The following RMST variants were observed in gnomAD, a reference collection of about 807,000 sequenced individuals.
RMST encodes the protein long intergenic non-protein coding RNA 54.
intron 5 of RMST, among the ~76,000 whole-genome samples, chr12:97,482,525 A>T (rs183683328): frequency 1.3e-5 from 2 of 151,754 alleles, no homozygotes; most frequent in Admixed American, 1.3e-4. Flanking sequence ...GTCACGAGTA[A>T]AATTGTTGGT....
intron 5 of RMST, among the ~76,000 whole-genome samples, chr12:97,490,441 C>T (rs1295295048): frequency 3.9e-5 from 6 of 152,206 alleles, no homozygotes; most frequent in Middle Eastern, 3.4e-3. Context: ...AATCCTGTTT[C>T]GTCATCTGTT....
intron 11 of RMST, among the ~76,000 whole-genome samples, chr12:97,556,843 A>C (rs1221821639): frequency 6.6e-6 from 1 of 152,216 alleles, no homozygotes; most frequent in Non-Finnish European, 1.5e-5. Flanking sequence ...TGACTTTATA[A>C]AAATGAGATT....
chr12:97,529,342 T>C (rs1881419969), intron 10 of RMST, among the ~76,000 whole-genome samples: 1 of 152,098 alleles, frequency 6.6e-6, no homozygotes, highest in South Asian at 2.1e-4. Flanking sequence ...AAAAATAAAA[T>C]GTATTTTAGG....
intron 10 of RMST, among the ~76,000 whole-genome samples, chr12:97,507,970 G>T (rs1878880934): frequency 6.6e-6 from 1 of 152,046 alleles, no homozygotes. Context: ...TGGAAACGAA[G>T]GCAAAAATGG....
At chr12:97,471,434 G>C (rs1048050069) in intron 5 of RMST, among the ~76,000 whole-genome samples, 1 of 152,070 alleles carries the variant, frequency 6.6e-6, no homozygotes, top group African/African-American at 2.4e-5. Context: ...TAAAGCTTTG[G>C]CCCTGAGGCT....
At position 97,548,735 on chromosome 12, in the gene RMST, A is replaced by G. The variant is rs1045585991; in HGVS notation, n.1546-11802A>G. Reference sequence around the variant, plus strand: ...GATTTACTGAATTTGTTTATTAGCTATAACAGGTTTTTTTGTAAAATCTTT... The same window carrying G: ...GATTTACTGAATTTGTTTATTAGCTGTAACAGGTTTTTTTGTAAAATCTTT... On this transcript the variant is annotated intron_variant and non_coding_transcript_variant, in intron 11 of 13. Coordinates refer to ENST00000640149, the Ensembl canonical transcript of RMST. Among the ~76,000 whole-genome samples the G allele has an allele frequency of 3.9e-5, 6 of 152,262 alleles. 1 individual carries two copies. Among genetic ancestry groups the G allele is most frequent in the Non-Finnish European group, 7.4e-5 (5 of 67,992 alleles).
intron 10 of RMST, among the ~76,000 whole-genome samples, chr12:97,518,026 T>C (rs1880117761): frequency 6.6e-6 from 1 of 152,168 alleles, no homozygotes; most frequent in East Asian, 1.9e-4. Context: ...GGATGATTTA[T>C]TAATTTTTCT....
chr12:97,485,078 C>A (rs976942046), intron 5 of RMST, among the ~76,000 whole-genome samples: 2 of 152,170 alleles, frequency 1.3e-5, no homozygotes, highest in African/African-American at 4.8e-5. Context: ...GAATACAAAT[C>A]ATCAAAAAGC....
intron 10 of RMST, among the ~76,000 whole-genome samples, chr12:97,526,930 A>ATGT (rs751378451): frequency 6.6e-5 from 10 of 151,910 alleles, no homozygotes; most frequent in African/African-American, 9.7e-5. Context: ...GCACCATGAG[A>ATGT]TGTTGTTGTT....
intron 5 of RMST, chr12:97,491,817 G>T: frequency 9.1e-6 from 4 of 441,588 alleles, no homozygotes; most frequent in Admixed American, 4.5e-5. Flanking sequence ...CTTTTTTGTC[G>T]TCATGGGTCA....
At chr12:97,524,096 A>AAAAAAAAAAAAAAAAAAAAAAAAAAC (rs1880842336) in intron 10 of RMST, among the ~76,000 whole-genome samples, 1 of 148,158 alleles carries the variant, frequency 6.7e-6, no homozygotes, top group African/African-American at 2.5e-5. Flanking sequence ...AAAAAAAAAA[A>AAAAAAAAAAAAAAAAAAAAAAAAAAC]AAAAAAATCA....
intron 10 of RMST, among the ~76,000 whole-genome samples, chr12:97,511,574 T>A (rs1879300218): frequency 6.6e-6 from 1 of 152,254 alleles, no homozygotes; most frequent in African/African-American, 2.4e-5. Context: ...AGGATTTGAA[T>A]TCTGAAGTAT....
At chr12:97,563,986 T>G in intron 13 of RMST, 1 of 426,014 alleles carries the variant, frequency 2.3e-6, no homozygotes, top group Non-Finnish European at 5.0e-6. Flanking sequence ...CAAGATTTAG[T>G]GTATAGCTCT....
chr12:97,533,922 A>G (rs1881875026), intron 11 of RMST, among the ~76,000 whole-genome samples: 2 of 151,804 alleles, frequency 1.3e-5, no homozygotes, highest in Admixed American at 1.3e-4. Flanking sequence ...TCCTTCTGAA[A>G]GGTAGGCTTC....
At chr12:97,554,235 C>G (rs140595207) in intron 11 of RMST, among the ~76,000 whole-genome samples, 1 of 151,908 alleles carries the variant, frequency 6.6e-6, no homozygotes, top group Non-Finnish European at 1.5e-5. Context: ...ATTACAGGCA[C>G]GAGCTACCGC....
chr12:97,514,527 A>G (rs1879735201), intron 10 of RMST, among the ~76,000 whole-genome samples: 2 of 152,214 alleles, frequency 1.3e-5, no homozygotes, highest in African/African-American at 4.8e-5. Flanking sequence ...TTTCTATGCC[A>G]TATCTATATC....
chr12:97,543,261 A>T (rs1050888968), intron 11 of RMST, among the ~76,000 whole-genome samples: 2 of 152,026 alleles, frequency 1.3e-5, no homozygotes, highest in African/African-American at 4.8e-5. Context: ...GGCCCGCACC[A>T]AGCCTTTTTG....
At chr12:97,543,707 G>C (rs1172139323) in intron 11 of RMST, among the ~76,000 whole-genome samples, 1 of 151,884 alleles carries the variant, frequency 6.6e-6, no homozygotes, top group South Asian at 2.1e-4. Context: ...AAACCTTTGA[G>C]GTGGGGGCTG....
At chr12:97,555,610 C>T (rs1425303017) in intron 11 of RMST, among the ~76,000 whole-genome samples, 1 of 152,208 alleles carries the variant, frequency 6.6e-6, no homozygotes, top group African/African-American at 2.4e-5. Flanking sequence ...GAATTGTTCA[C>T]AGTCACAAGT....
Sources: allele counts gnomAD v4.1 joint callset (sites outside exome capture counted in the v4.1 genomes callset), GRCh38; gene constraint gnomAD v4.1.1; transcripts MANE v1.5; gene names NCBI Gene and HGNC (gene_info 2026-07-23, HGNC 2026-07-21).